ZCCHC7: variants seen among roughly 807,000 people sequenced by gnomAD.
The protein encoded by ZCCHC7 is zinc finger CCHC-type containing 7.
A neutral mutation model predicts 52.0 loss-of-function variants in ZCCHC7; 35 were observed. The ratio of observed to expected loss-of-function variants is 0.67; its 90% CI spans 0.51 to 0.89. ZCCHC7 has a LOEUF of 0.89. ZCCHC7 is among the 40% of genes least tolerant of loss of function. The pLI is 0.00. For synonymous variants in ZCCHC7, 217 were observed against 221.5 expected (o/e 0.98, Z 0.18); for missense variants, 574 against 649.1 (o/e 0.88, Z 1.26).
At chr9:37,122,066 G>C (rs894516227) in intron 1 of ZCCHC7, among the ~76,000 whole-genome samples, 1 of 152,182 alleles carries the variant, frequency 6.6e-6, no homozygotes, top group Non-Finnish European at 1.5e-5. Context: ...TGAGGCTGTG[G>C]ATTTGATTTA....
chr9:37,175,117 G>GAAAAAAA (rs574722132), intron 2 of ZCCHC7, among the ~76,000 whole-genome samples: 6,675 of 134,502 alleles, frequency 0.05, 497 homozygotes, highest in African/African-American at 0.17. Flanking sequence ...CTGTCTCAAA[G>GAAAAAAA]AAAAAAAAAA....
chr9:37,164,417 C>T (rs987940313), intron 2 of ZCCHC7, among the ~76,000 whole-genome samples: 8 of 151,538 alleles, frequency 5.3e-5, no homozygotes, highest in Admixed American at 6.6e-5. Flanking sequence ...TGCACTCCAG[C>T]CGGGGTGACG....
intron 6 of ZCCHC7, among the ~76,000 whole-genome samples, chr9:37,344,748 A>G (rs1280831876): frequency 2.0e-5 from 3 of 152,110 alleles, no homozygotes; most frequent in South Asian, 2.1e-4. Context: ...TATTGGCTCT[A>G]TTTATCTTCC....
intron 5 of ZCCHC7, among the ~76,000 whole-genome samples, chr9:37,320,504 C>G (rs1830007807): frequency 6.6e-6 from 1 of 152,182 alleles, no homozygotes; most frequent in African/African-American, 2.4e-5. Context: ...CAGTTGTGTT[C>G]CAGTCTATAG....
At position 37,358,132 on chromosome 9, in the gene ZCCHC7, A is replaced by G. The variant is rs1459035725; in HGVS notation, c.*864A>G. 6.6e-5 allele frequency: 10 copies of G among 152,242 alleles called. No individual in the cohort carries two copies. Among genetic ancestry groups the G allele is most frequent in the Non-Finnish European group, 1.5e-4 (10 of 68,038 alleles). 9.4% of individuals were successfully genotyped at this position (152,242 alleles called of 1,614,324 possible). On this transcript the variant is annotated 3_prime_UTR_variant, in exon 9 of 9. Transcript: ENST00000336755. ...AACCTAATGTCAGACTAAGAAAAAT[A>G]AAATATCTGAGAGTAAATACATGTG... is the stretch of plus-strand genomic sequence containing the variant.
At chr9:37,132,482 T>C (rs574938339) in intron 2 of ZCCHC7, among the ~76,000 whole-genome samples, 1 of 152,358 alleles carries the variant, frequency 6.6e-6, no homozygotes, top group South Asian at 2.1e-4. Context: ...GCCCCTCTGT[T>C]ATTTTGAAGC....
chr9:37,312,555 T>G (rs1056867029), intron 5 of ZCCHC7, among the ~76,000 whole-genome samples: 7 of 152,214 alleles, frequency 4.6e-5, no homozygotes, highest in African/African-American at 1.4e-4. Context: ...GACGTAGACC[T>G]AAGAAGGGAG....
rs1825121395 is a variant in ZCCHC7 at position 37,226,659 on chromosome 9, C to A, written c.611-75529C>A. Among the ~76,000 whole-genome samples the A allele has an allele frequency of 5.3e-5, 8 of 152,102 alleles. No individual in the cohort carries two copies. The South Asian group carries it at 1.5e-3, about 28-fold the overall frequency. On this transcript the variant is annotated intron_variant, in intron 2 of 8. Coordinates refer to ENST00000336755, the MANE Select transcript of ZCCHC7 (RefSeq NM_032226.3). Reference sequence around the variant, plus strand: ...ATGCCAAAAATGAACCATATCTCTTCCATCACACAACATACAGTAATTAAC... The same window carrying A: ...ATGCCAAAAATGAACCATATCTCTTACATCACACAACATACAGTAATTAAC...
intron 2 of ZCCHC7, among the ~76,000 whole-genome samples, chr9:37,130,014 G>A (rs935911274): frequency 1.3e-5 from 2 of 152,122 alleles, no homozygotes; most frequent in African/African-American, 2.4e-5. Flanking sequence ...CGAGGCGGGT[G>A]GATCACCTGA....
intron 2 of ZCCHC7, among the ~76,000 whole-genome samples, chr9:37,197,782 C>A (rs1823367408): frequency 6.6e-6 from 1 of 152,104 alleles, no homozygotes; most frequent in Admixed American, 6.5e-5. Flanking sequence ...GAAATCTGAT[C>A]TGTGAGATCT....
At chr9:37,302,620 G>C (rs1192464083) in intron 3 of ZCCHC7, among the ~76,000 whole-genome samples, 1 of 152,210 alleles carries the variant, frequency 6.6e-6, no homozygotes, top group East Asian at 1.9e-4. Context: ...TACAAAAAGA[G>C]AATAATTTTA....
intron 2 of ZCCHC7, among the ~76,000 whole-genome samples, chr9:37,265,638 A>G: frequency 6.6e-6 from 1 of 152,120 alleles, no homozygotes; most frequent in Non-Finnish European, 1.5e-5. Flanking sequence ...TCTCTTACCA[A>G]AACATAATCT....
At chr9:37,181,328 T>A (rs1468732843) in intron 2 of ZCCHC7, among the ~76,000 whole-genome samples, 1 of 152,214 alleles carries the variant, frequency 6.6e-6, no homozygotes, top group African/African-American at 2.4e-5. Flanking sequence ...CTACTTCAAA[T>A]TGTTTCATCA....
At chr9:37,248,798 A>G (rs1826190497) in intron 2 of ZCCHC7, among the ~76,000 whole-genome samples, 1 of 152,222 alleles carries the variant, frequency 6.6e-6, no homozygotes, top group Admixed American at 6.5e-5. Context: ...TTGCTCATCT[A>G]TCTGTAGCTG....
intron 5 of ZCCHC7, chr9:37,327,239 A>G (rs1178843264): frequency 6.6e-6 from 1 of 152,136 alleles, no homozygotes; most frequent in Non-Finnish European, 1.5e-5. Context: ...ATATGGAAAG[A>G]TTAGACAGTT....
At chr9:37,222,328 AGTGTGTGTGTGTGTGTGTGTGTGT>A (rs74182938) in intron 2 of ZCCHC7, among the ~76,000 whole-genome samples, 48 of 133,006 alleles carry the variant, frequency 3.6e-4, no homozygotes, top group Admixed American at 3.0e-4. Flanking sequence ...AGAATAACAG[AGTGTGTGTGTGTGTGTGTGTGTGT>A]GTGTGTGTGT....
chr9:37,136,093 A>G (rs189776536), intron 2 of ZCCHC7, among the ~76,000 whole-genome samples: 84 of 152,066 alleles, frequency 5.5e-4, no homozygotes, highest in African/African-American at 2.0e-3. Context: ...TGCCTGGCTG[A>G]TATATCTACT....
At chr9:37,229,488 C>A (rs972306899) in intron 2 of ZCCHC7, among the ~76,000 whole-genome samples, 1 of 152,028 alleles carries the variant, frequency 6.6e-6, no homozygotes, top group East Asian at 1.9e-4. Flanking sequence ...TGAACTTGTA[C>A]GGCATGTTAT....
intron 2 of ZCCHC7, among the ~76,000 whole-genome samples, chr9:37,252,412 A>G (rs1826374178): frequency 6.6e-6 from 1 of 152,194 alleles, no homozygotes; most frequent in African/African-American, 2.4e-5. Context: ...TGTAACAATC[A>G]TTGGTCTCAA....
Sources: allele counts gnomAD v4.1 joint callset (sites outside exome capture counted in the v4.1 genomes callset), GRCh38; gene constraint gnomAD v4.1.1; transcripts MANE v1.5; gene names NCBI Gene and HGNC (gene_info 2026-07-23, HGNC 2026-07-21).